XYLT1: variants seen among roughly 807,000 people sequenced by gnomAD.
The protein encoded by XYLT1 is xylosyltransferase 1.
Under a neutral mutation model 91.3 loss-of-function variants are expected in XYLT1, and 36 were observed. The observed-to-expected ratio is 0.39, with a 90% CI of 0.30 to 0.52. The LOEUF is 0.52. XYLT1 is among the 20% of genes least tolerant of loss of function. XYLT1 has a pLI of 0.68. For synonymous variants in XYLT1, 588 were observed against 532.0 expected, an observed-to-expected ratio of 1.11 and a Z score of -1.45; for missense variants, 1,242 against 1,284.5, an observed-to-expected ratio of 0.97 and a Z score of 0.51.
intron 1 of XYLT1, among the ~76,000 whole-genome samples, chr16:17,365,000 C>G (rs749637978): frequency 1.3e-5 from 2 of 152,154 alleles, no homozygotes; most frequent in Admixed American, 6.5e-5. Flanking sequence ...ACTGAAAAAG[C>G]TTCCAAACTG....
chr16:17,452,303 TTC>T (rs1458274917), intron 1 of XYLT1, among the ~76,000 whole-genome samples: 1 of 130,468 alleles, frequency 7.7e-6, no homozygotes, highest in Non-Finnish European at 1.6e-5. Context: ...CTCAGTTTTT[TTC>T]TTTTTTTTTT....
chr16:17,251,824 T>TG (rs2033543855), intron 3 of XYLT1, among the ~76,000 whole-genome samples: 1 of 152,136 alleles, frequency 6.6e-6, no homozygotes, highest in African/African-American at 2.4e-5. Flanking sequence ...AACCAGGGCT[T>TG]CTGGGGAAGA....
chr16:17,400,858 A>G (rs930746561), intron 1 of XYLT1, among the ~76,000 whole-genome samples: 2 of 152,084 alleles, frequency 1.3e-5, no homozygotes, highest in African/African-American at 4.8e-5. Context: ...AATCAACCCT[A>G]TATTGGGAAA....
At chr16:17,174,521 A>G (rs898988484) in intron 5 of XYLT1, among the ~76,000 whole-genome samples, 3 of 152,222 alleles carry the variant, frequency 2.0e-5, no homozygotes, top group South Asian at 2.1e-4. Flanking sequence ...CCAGACGTGA[A>G]ATACCCACAT....
chr16:17,304,712 G>GACCAGTTAAACCACT (rs2034446813), intron 2 of XYLT1, among the ~76,000 whole-genome samples: 1 of 151,994 alleles, frequency 6.6e-6, no homozygotes, highest in African/African-American at 2.4e-5. Flanking sequence ...AAAGTTGCTG[G>GACCAGTTAAACCACT]ACCAGTTAAA....
rs1216198348 is a variant in XYLT1 at position 17,330,687 on chromosome 16, G to A, written c.402+27325C>T. On this transcript the variant is annotated intron_variant, in intron 2 of 11. Transcript: ENST00000261381. ...TACATGCCTGTAATTCCAGCTACTC[G>A]GGAGGCTGAGGCAGGAGAATCGCTT... Among the ~76,000 whole-genome samples, 9 of 152,086 alleles carry A rather than the reference G, an allele frequency of 5.9e-5. No homozygotes were observed. In the East Asian group the frequency reaches 9.7e-4, roughly 16 times the overall value.
intron 5 of XYLT1, among the ~76,000 whole-genome samples, chr16:17,192,580 A>G (rs1433654034): frequency 6.6e-6 from 1 of 152,168 alleles, no homozygotes; most frequent in African/African-American, 2.4e-5. Context: ...CAGAGTTTGA[A>G]AGTATCCATT....
chr16:17,446,586 C>G (rs1263068851), intron 1 of XYLT1, among the ~76,000 whole-genome samples: 1 of 152,132 alleles, frequency 6.6e-6, no homozygotes, highest in Non-Finnish European at 1.5e-5. Flanking sequence ...ATTCAGAAAA[C>G]ACAGTGCCCC....
At chr16:17,155,336 G>A (rs768644866) in intron 6 of XYLT1, among the ~76,000 whole-genome samples, 1 of 151,918 alleles carries the variant, frequency 6.6e-6, no homozygotes, top group Non-Finnish European at 1.5e-5. Flanking sequence ...CAGAAAAACA[G>A]AACTAATAGA....
rs116590741 is a variant in XYLT1 at position 17,420,825 on chromosome 16, C to T, written c.363+49609G>A. Among the ~76,000 whole-genome samples the T allele has an allele frequency of 2.0e-3, 298 of 152,262 alleles. 1 individual carries two copies. The highest frequency in any genetic ancestry group is 6.7e-3 in the African/African-American group (280 of 41,550). On this transcript the variant is annotated intron_variant, in intron 1 of 11. Coordinates refer to ENST00000261381, the MANE Select transcript of XYLT1 (RefSeq NM_022166.4). ...CTTTGAAGAAAATTCCAACCAAAAA[C>T]ATCACCTTACTGTCTGAATCTGTCT... is the stretch of plus-strand genomic sequence containing the variant.
chr16:17,410,126 C>T (rs1203074067), intron 1 of XYLT1, among the ~76,000 whole-genome samples: 2 of 152,152 alleles, frequency 1.3e-5, no homozygotes, highest in Non-Finnish European at 2.9e-5. Flanking sequence ...CTGGCTGCCC[C>T]TTTTGCCAGA....
chr16:17,367,037 C>G (rs560197066), intron 1 of XYLT1, among the ~76,000 whole-genome samples: 1 of 151,942 alleles, frequency 6.6e-6, no homozygotes, highest in African/African-American at 2.4e-5. Flanking sequence ...GTCTTCAGGT[C>G]GACTACTTTG....
intron 1 of XYLT1, among the ~76,000 whole-genome samples, chr16:17,467,860 C>T (rs2036920019): frequency 6.6e-6 from 1 of 152,110 alleles, no homozygotes; most frequent in African/African-American, 2.4e-5. Context: ...CCCATCCCCA[C>T]CTGCAACAGA....
chr16:17,369,429 G>A (rs1023328952), intron 1 of XYLT1, among the ~76,000 whole-genome samples: 17 of 152,104 alleles, frequency 1.1e-4, no homozygotes, highest in Non-Finnish European at 1.9e-4. Context: ...TCCACTTAAG[G>A]CAGGCACATC....
chr16:17,178,928 G>A (rs2032004399), intron 5 of XYLT1, among the ~76,000 whole-genome samples: 1 of 152,098 alleles, frequency 6.6e-6, no homozygotes, highest in Admixed American at 6.5e-5. Context: ...AATTATCCAA[G>A]TGTGGTGACA....
At chr16:17,321,894 G>A (rs550902313) in intron 2 of XYLT1, among the ~76,000 whole-genome samples, 36 of 152,212 alleles carry the variant, frequency 2.4e-4, no homozygotes, top group African/African-American at 7.7e-4. Flanking sequence ...ACCCTGCTGC[G>A]GAGCTATCTT....
chr16:17,284,239 T>G (rs928376938), intron 2 of XYLT1, among the ~76,000 whole-genome samples: 2 of 152,238 alleles, frequency 1.3e-5, no homozygotes, highest in Admixed American at 6.5e-5. Context: ...AGCAAACACT[T>G]ACTGAGGAGC....
chr16:17,181,863 G>C (rs1046893447), intron 5 of XYLT1, among the ~76,000 whole-genome samples: 3 of 152,130 alleles, frequency 2.0e-5, no homozygotes, highest in Non-Finnish European at 4.4e-5. Flanking sequence ...GGTACAGTAA[G>C]CTAAGGTCTC....
At chr16:17,171,724 C>G (rs187242119) in intron 5 of XYLT1, among the ~76,000 whole-genome samples, 23 of 152,344 alleles carry the variant, frequency 1.5e-4, no homozygotes, top group Middle Eastern at 6.8e-3. Flanking sequence ...TCTGGGGGAA[C>G]CCCAGGTTGG....
Sources: gnomAD v4.1 joint callset for allele counts (sites outside exome capture counted in the v4.1 genomes callset) on GRCh38, gnomAD v4.1.1 for gene constraint, MANE v1.5 for transcripts, NCBI Gene and HGNC (gene_info 2026-07-23, HGNC 2026-07-21) for gene names.